The following ADIPOR2 variants were observed in gnomAD, a reference collection of about 807,000 sequenced individuals.
The protein encoded by ADIPOR2 is adiponectin receptor 2.
A neutral mutation model predicts 40.9 loss-of-function variants in ADIPOR2; 18 were observed. The observed-to-expected ratio is 0.44, with a 90% CI of 0.30 to 0.65. ADIPOR2 has a LOEUF of 0.65. Ranked by LOEUF, ADIPOR2 falls within the 30% of genes least tolerant of loss-of-function variation. ADIPOR2 has a pLI of 0.09. For synonymous variants in ADIPOR2, 165 were observed against 166.4 expected, an observed-to-expected ratio of 0.99 and a Z score of 0.06; for missense variants, 283 against 479.2, an observed-to-expected ratio of 0.59 and a Z score of 3.82.
chr12:1,728,805 A>G lies in ADIPOR2; in HGVS notation c.-86-25453A>G, dbSNP rs557037657. ...TATTCATAGAATTTTGGCCAGTGAAAATTTTCTGTGTTAGTAGAATAAAAA... is the reference window on the plus strand; with the variant it reads ...TATTCATAGAATTTTGGCCAGTGAAGATTTTCTGTGTTAGTAGAATAAAAA... On this transcript the variant is annotated intron_variant, in intron 1 of 7. Transcript: ENST00000357103. Among the ~76,000 whole-genome samples, 11 of 152,160 alleles carry G rather than the reference A, an allele frequency of 7.2e-5. No homozygotes were observed. The East Asian group carries it at 2.1e-3, about 29-fold the overall frequency.
At chr12:1,749,723 G>A (rs1339004363) in intron 1 of ADIPOR2, among the ~76,000 whole-genome samples, 2 of 152,016 alleles carry the variant, frequency 1.3e-5, no homozygotes, top group Non-Finnish European at 2.9e-5. Context: ...TCCTTGCTGG[G>A]ATCTTGATAG....
At position 1,783,399 on chromosome 12, in the gene ADIPOR2, CT is replaced by C. The variant is rs35800138; in HGVS notation, c.839-464del. ...AAGCCTCTCTTAGTGAGGCTCATTG[CT>C]TTTTTTTTTTTTTTTTGAGACGGAG... On this transcript the variant is annotated intron_variant, in intron 6 of 7. Transcript: ENST00000357103. 1.8e-3 allele frequency among the ~76,000 whole-genome samples: 232 copies of C among 132,494 alleles called. 1 individual carries two copies. Among genetic ancestry groups the C allele is most frequent in the South Asian group, 2.2e-3 (9 of 4,160 alleles). 86.9% of individuals were successfully genotyped at this position (132,494 alleles called of 152,430 possible). A position where few individuals can be genotyped will look rare whatever the true frequency, so the allele number is the denominator to read the frequency against.
At chr12:1,744,781 A>G (rs1292167317) in intron 1 of ADIPOR2, among the ~76,000 whole-genome samples, 1 of 152,284 alleles carries the variant, frequency 6.6e-6, no homozygotes, top group Non-Finnish European at 1.5e-5. Context: ...GGGGACCTCA[A>G]AAAGTTTGTG....
intron 2 of ADIPOR2, chr12:1,757,178 C>A: frequency 3.0e-6 from 1 of 328,284 alleles, no homozygotes; most frequent in Non-Finnish European, 5.6e-6. Context: ...GTTTATCATG[C>A]TACATTATTT....
chr12:1,768,855 T>G (rs1398465488), intron 2 of ADIPOR2, among the ~76,000 whole-genome samples: 1 of 152,238 alleles, frequency 6.6e-6, no homozygotes, highest in Admixed American at 6.5e-5. Context: ...AAAATGTCTT[T>G]GTGCTCATTT....
At chr12:1,691,739 C>T (rs984902528) in intron 1 of ADIPOR2, among the ~76,000 whole-genome samples, 1 of 152,076 alleles carries the variant, frequency 6.6e-6, no homozygotes, top group Non-Finnish European at 1.5e-5. Context: ...TTTTCCCAAG[C>T]CCCCGTCCGT....
chr12:1,725,798 A>C (rs1414334982), intron 1 of ADIPOR2, among the ~76,000 whole-genome samples: 1 of 152,218 alleles, frequency 6.6e-6, no homozygotes, highest in Non-Finnish European at 1.5e-5. Flanking sequence ...CATTGTACTA[A>C]TCTGTCTTGG....
At chr12:1,750,662 G>A (rs1332410438) in intron 1 of ADIPOR2, among the ~76,000 whole-genome samples, 1 of 152,120 alleles carries the variant, frequency 6.6e-6, no homozygotes, top group Non-Finnish European at 1.5e-5. Flanking sequence ...TAGATCCTCA[G>A]TAACATTTTA....
At chr12:1,710,598 C>G (rs184139971) in intron 1 of ADIPOR2, among the ~76,000 whole-genome samples, 1 of 152,140 alleles carries the variant, frequency 6.6e-6, no homozygotes, top group East Asian at 1.9e-4. Flanking sequence ...AAAGGGCTCT[C>G]TAACAACCCC....
chr12:1,748,275 GTC>G (rs1355173943), intron 1 of ADIPOR2, among the ~76,000 whole-genome samples: 3 of 152,004 alleles, frequency 2.0e-5, no homozygotes, highest in East Asian at 3.8e-4. Context: ...TAGAGACGGA[GTC>G]TCTCTCTGTC....
At chr12:1,768,041 C>T (rs1023984871) in intron 2 of ADIPOR2, among the ~76,000 whole-genome samples, 3 of 152,128 alleles carry the variant, frequency 2.0e-5, no homozygotes, top group African/African-American at 7.2e-5. Context: ...ATATAGGGGC[C>T]TTAGATCTTA....
chr12:1,693,536 T>C (rs973444438), intron 1 of ADIPOR2, among the ~76,000 whole-genome samples: 52 of 143,882 alleles, frequency 3.6e-4, no homozygotes, highest in Non-Finnish European at 7.2e-4. Flanking sequence ...TTTTTTTTTG[T>C]TCATTTTGTT....
intron 1 of ADIPOR2, among the ~76,000 whole-genome samples, chr12:1,707,002 T>C (rs2094664599): frequency 6.6e-6 from 1 of 152,148 alleles, no homozygotes; most frequent in African/African-American, 2.4e-5. Context: ...AAAAAAACTT[T>C]GTGTGTGTAA....
intron 2 of ADIPOR2, among the ~76,000 whole-genome samples, chr12:1,755,469 C>G (rs1401334302): frequency 2.0e-5 from 3 of 152,220 alleles, no homozygotes; most frequent in African/African-American, 7.2e-5. Context: ...TTTAACCATA[C>G]TTTAGCTATG....
chr12:1,714,454 C>T lies in ADIPOR2; in HGVS notation c.-87+23263C>T, dbSNP rs371200298. Among the ~76,000 whole-genome samples, 380 of 152,202 alleles carry T rather than the reference C, an allele frequency of 2.5e-3. 3 individuals carry two copies. The highest frequency in any genetic ancestry group is 4.1e-3 in the Admixed American group (63 of 15,284). ...TTATCTTTTAGGATCAATTGACCCT[C>T]GAGTGAGTCGGGTAACAGGGAAGTA... On this transcript the variant is annotated intron_variant, in intron 1 of 7. Coordinates refer to ENST00000357103, the MANE Select transcript of ADIPOR2 (RefSeq NM_024551.3).
At chr12:1,757,800 G>T in intron 2 of ADIPOR2, 1 of 881,666 alleles carries the variant, frequency 1.1e-6, no homozygotes, top group Non-Finnish European at 1.9e-6. Flanking sequence ...CCTTGCCATC[G>T]ATCTTAATGA....
At chr12:1,737,070 CTG>C (rs1185413421) in intron 1 of ADIPOR2, among the ~76,000 whole-genome samples, 1 of 152,226 alleles carries the variant, frequency 6.6e-6, no homozygotes, top group Non-Finnish European at 1.5e-5. Context: ...CCTGCACAAA[CTG>C]TGAGCCTTGA....
chr12:1,694,374 G>A (rs1297951068), intron 1 of ADIPOR2, among the ~76,000 whole-genome samples: 1 of 152,212 alleles, frequency 6.6e-6, no homozygotes, highest in Non-Finnish European at 1.5e-5. Flanking sequence ...TGAATATCAA[G>A]ATGCACAGAT....
chr12:1,780,447 C>G lies in ADIPOR2; in HGVS notation c.464-4C>G. 1 of 1,592,036 alleles carries G rather than the reference C, an allele frequency of 6.3e-7. No homozygotes were observed. Among genetic ancestry groups the G allele is most frequent in the Non-Finnish European group, 8.5e-7 (1 of 1,172,054 alleles). ...TTATCTATTTTCTGTGCTCTTTTTC[C>G]TAGGTTGTGTATTCTTCCTGTGCCT... is the stretch of plus-strand genomic sequence containing the variant. On this transcript the variant is annotated splice_region_variant and splice_polypyrimidine_tract_variant and intron_variant, in intron 4 of 7. Transcript: ENST00000357103.
Sources: gnomAD v4.1 joint callset for allele counts (sites outside exome capture counted in the v4.1 genomes callset) on GRCh38, gnomAD v4.1.1 for gene constraint, MANE v1.5 for transcripts, NCBI Gene and HGNC (gene_info 2026-07-23, HGNC 2026-07-21) for gene names.